RAB31: variants seen among roughly 807,000 people sequenced by gnomAD.
The protein encoded by RAB31 is ras-related protein Rab-31.
In RAB31, 21 loss-of-function variants were observed where a neutral mutation model predicts 25.6. The ratio of observed to expected loss-of-function variants is 0.82; its 90% CI spans 0.58 to 1.18. The LOEUF is 1.18. Among genes scored for constraint, RAB31 ranks in the 50% most tolerant of loss-of-function variants. The pLI, the probability that RAB31 is intolerant of heterozygous loss-of-function variation, is 0.00. For missense variants in RAB31, 196 were observed against 250.1 expected, an observed-to-expected ratio of 0.78 and a Z score of 1.46; for synonymous variants, 87 against 84.0, an observed-to-expected ratio of 1.04 and a Z score of -0.20.
At chr18:9,782,050 C>T (rs956213900) in intron 2 of RAB31, among the ~76,000 whole-genome samples, 4 of 152,236 alleles carry the variant, frequency 2.6e-5, no homozygotes, top group African/African-American at 9.6e-5. Flanking sequence ...GCCCTGGTGC[C>T]CATTCCCATG....
At chr18:9,810,744 C>T (rs1056434795) in intron 3 of RAB31, among the ~76,000 whole-genome samples, 6 of 152,150 alleles carry the variant, frequency 3.9e-5, no homozygotes, top group Non-Finnish European at 5.9e-5. Flanking sequence ...AGAAGACACC[C>T]GCAGTTTGCT....
intron 6 of RAB31, among the ~76,000 whole-genome samples, chr18:9,855,777 G>C (rs2068812970): frequency 6.6e-6 from 1 of 152,062 alleles, no homozygotes; most frequent in South Asian, 2.1e-4. Context: ...CTTATCCCAG[G>C]CTGAGAGTTT....
chr18:9,762,935 C>T (rs1337167211), intron 1 of RAB31, among the ~76,000 whole-genome samples: 1 of 152,124 alleles, frequency 6.6e-6, no homozygotes, highest in African/African-American at 2.4e-5. Context: ...GGTAGGGGAG[C>T]TGCCACCATT....
At chr18:9,731,414 T>C (rs1363816287) in intron 1 of RAB31, among the ~76,000 whole-genome samples, 1 of 152,122 alleles carries the variant, frequency 6.6e-6, no homozygotes, top group Non-Finnish European at 1.5e-5. Flanking sequence ...TGTTAGAAAA[T>C]TAACTTGTGC....
chr18:9,775,661 T>C (rs1354971978), intron 2 of RAB31, among the ~76,000 whole-genome samples: 1 of 152,202 alleles, frequency 6.6e-6, no homozygotes, highest in African/African-American at 2.4e-5. Flanking sequence ...GAAGACGATA[T>C]GCAGAGCAAA....
chr18:9,764,707 G>A (rs1397928935), intron 1 of RAB31, among the ~76,000 whole-genome samples: 1 of 151,768 alleles, frequency 6.6e-6, no homozygotes, highest in African/African-American at 2.4e-5. Context: ...CCATTTTTTT[G>A]TATCTTAAAT....
intron 2 of RAB31, among the ~76,000 whole-genome samples, chr18:9,788,850 A>G (rs1403136853): frequency 6.6e-6 from 1 of 152,172 alleles, no homozygotes; most frequent in Non-Finnish European, 1.5e-5. Context: ...CATGCCTGTA[A>G]TCCCAGCTAC....
chr18:9,822,909 G>T (rs1241247294), intron 5 of RAB31, among the ~76,000 whole-genome samples: 1 of 152,130 alleles, frequency 6.6e-6, no homozygotes, highest in Non-Finnish European at 1.5e-5. Flanking sequence ...TCACATTCAC[G>T]GGCATTTATC....
intron 3 of RAB31, among the ~76,000 whole-genome samples, chr18:9,799,609 G>A (rs374643383): frequency 2.0e-5 from 3 of 151,926 alleles, no homozygotes; most frequent in South Asian, 2.1e-4. Flanking sequence ...CGATTCTCCC[G>A]CCTCAGCCTC....
intron 3 of RAB31, among the ~76,000 whole-genome samples, chr18:9,806,020 C>CA (rs550940317): frequency 1.0e-4 from 15 of 149,558 alleles, no homozygotes; most frequent in African/African-American, 2.0e-4. Context: ...TAAAAAAATA[C>CA]AAAAAAAGTA....
rs60751938 is a variant in RAB31, at chr18:9,849,492, A to G, written c.490+3801A>G. The stretch of plus-strand genomic sequence containing the variant: ...TCTTGATTCGTTTATTCACAAATAT[A>G]TACTGTACTCTTTTATGGGTAGGTG... On this transcript the variant is annotated intron_variant, in intron 6 of 6. Coordinates refer to ENST00000578921, the MANE Select transcript of RAB31 (RefSeq NM_006868.4). The G allele has an allele frequency of 5.9e-3, 900 of 152,378 alleles. 3 individuals carry two copies. The highest frequency in any genetic ancestry group is 0.021 in the African/African-American group (853 of 41,562). 9.4% of individuals were successfully genotyped at this position (152,378 alleles called of 1,614,324 possible).
At chr18:9,761,726 T>C (rs1307809235) in intron 1 of RAB31, among the ~76,000 whole-genome samples, 1 of 152,294 alleles carries the variant, frequency 6.6e-6, no homozygotes, top group Admixed American at 6.5e-5. Flanking sequence ...GTCCTCTTCA[T>C]GCATGGCAGC....
chr18:9,761,318 A>C (rs1285916226), intron 1 of RAB31, among the ~76,000 whole-genome samples: 2 of 152,164 alleles, frequency 1.3e-5, no homozygotes, highest in Non-Finnish European at 2.9e-5. Context: ...CTTAAACCTT[A>C]ATGTCCTGAT....
chr18:9,768,207 T>C (rs11659805), intron 1 of RAB31, among the ~76,000 whole-genome samples: 14,584 of 152,272 alleles, frequency 0.096, 777 homozygotes, highest in South Asian at 0.2. Flanking sequence ...TATAATCCTT[T>C]GTGTATATAA....
At position 9,812,892 on chromosome 18, in the gene RAB31, T is replaced by A. The variant is rs2068581501; in HGVS notation, c.202-1128T>A. Among the ~76,000 whole-genome samples, 3 of 152,236 alleles carry A rather than the reference T, an allele frequency of 2.0e-5. No individual in the cohort carries two copies. The South Asian group carries it at 6.2e-4, about 32-fold the overall frequency. ...TTTGTATTTTTAGTTGAGACGGGTT[T>A]CACCATATTGGCCAGGCTGTTCTCA... On this transcript the variant is annotated intron_variant, in intron 3 of 6. Coordinates refer to ENST00000578921, the MANE Select transcript of RAB31 (RefSeq NM_006868.4).
chr18:9,816,656 T>C (rs16955703), intron 5 of RAB31, among the ~76,000 whole-genome samples: 14,167 of 152,236 alleles, frequency 0.093, 955 homozygotes, highest in East Asian at 0.31. Context: ...TCTTATATCT[T>C]GAAGGAGGTT....
In RAB31 at chr18:9,794,747, G is replaced by A. The variant is rs189720070; in HGVS notation, c.201+2512G>A. The stretch of plus-strand genomic sequence containing the variant: ...GAAGAATCACTTGAACCCGGGAGGC[G>A]GAGGTTGCAGTGAGCTGAGATCATG... On this transcript the variant is annotated intron_variant, in intron 3 of 6. Transcript: ENST00000578921. Among the ~76,000 whole-genome samples, 326 of 152,164 alleles carry A rather than the reference G, an allele frequency of 2.1e-3. 1 individual carries two copies. Among genetic ancestry groups the A allele is most frequent in the South Asian group, 0.017 (81 of 4,818 alleles).
chr18:9,752,845 C>T (rs534845547), intron 1 of RAB31, among the ~76,000 whole-genome samples: 10 of 152,290 alleles, frequency 6.6e-5, no homozygotes, highest in South Asian at 2.1e-4. Flanking sequence ...GTCTACACTA[C>T]GTATAGGATG....
At chr18:9,838,087 G>A (rs969173744) in intron 5 of RAB31, among the ~76,000 whole-genome samples, 3 of 152,076 alleles carry the variant, frequency 2.0e-5, no homozygotes, top group African/African-American at 4.8e-5. Flanking sequence ...TGGTGTGCCC[G>A]GCATTATTCT....
Sources: gnomAD v4.1 joint callset for allele counts (sites outside exome capture counted in the v4.1 genomes callset) on GRCh38, gnomAD v4.1.1 for gene constraint, MANE v1.5 for transcripts, NCBI Gene and HGNC (gene_info 2026-07-23, HGNC 2026-07-21) for gene names.